Variants in PPARGC1A observed in about 807,000 individuals in gnomAD.
PPARGC1A encodes the protein peroxisome proliferator-activated receptor gamma coactivator 1-alpha.
In PPARGC1A, 25 loss-of-function variants were observed where a neutral mutation model predicts 88.7. The observed-to-expected ratio is 0.28, with a 90% CI of 0.21 to 0.39. The LOEUF (loss-of-function observed/expected upper bound fraction) is 0.39, where lower values mean the gene tolerates loss of function less well. PPARGC1A is among the 10% of genes least tolerant of loss of function. The probability of loss-of-function intolerance (pLI) is 1.00; values close to 1 mark genes in which losing one functional copy is unlikely to be tolerated. For missense variants in PPARGC1A, 880 were observed against 968.7 expected (o/e 0.91, Z 1.22); for synonymous variants, 363 against 355.6 (o/e 1.02, Z -0.24).
At chr4:24,393,019 A>G in the PPARGC1A span, among the ~76,000 whole-genome samples, 1 of 41,170 alleles carries the variant, frequency 2.4e-5, no homozygotes, top group Non-Finnish European at 8.8e-5. Flanking sequence ...ATCAGCACAC[A>G]CACACACACA....
At chr4:24,064,753 G>A in the PPARGC1A span, among the ~76,000 whole-genome samples, 3 of 152,020 alleles carry the variant, frequency 2.0e-5, no homozygotes, top group Non-Finnish European at 4.4e-5. Flanking sequence ...CCTTTCTGGG[G>A]TTTTTTGGTT....
chr4:23,955,410 C>T, the PPARGC1A span, among the ~76,000 whole-genome samples: 1 of 150,282 alleles, frequency 6.7e-6, no homozygotes, highest in African/African-American at 2.4e-5. Flanking sequence ...TAAATTACTC[C>T]CTAGTATCTA....
chr4:24,340,481 A>G, the PPARGC1A span, among the ~76,000 whole-genome samples: 2 of 152,206 alleles, frequency 1.3e-5, no homozygotes, highest in Non-Finnish European at 2.9e-5. Context: ...ATAGTACTCT[A>G]TTTAATTATC....
the PPARGC1A span, among the ~76,000 whole-genome samples, chr4:24,370,632 A>C: frequency 1.3e-5 from 2 of 151,888 alleles, no homozygotes; most frequent in African/African-American, 4.8e-5. Context: ...GGCCAGCCAC[A>C]AGGGAGAATT....
chr4:24,446,630 T>A, the PPARGC1A span, among the ~76,000 whole-genome samples: 1 of 147,740 alleles, frequency 6.8e-6, no homozygotes, highest in Non-Finnish European at 1.5e-5. Flanking sequence ...GGAGTCTTGC[T>A]CTGTCATCCA....
At chr4:24,184,824 C>T in the PPARGC1A span, among the ~76,000 whole-genome samples, 2 of 151,942 alleles carry the variant, frequency 1.3e-5, no homozygotes, top group African/African-American at 4.8e-5. Flanking sequence ...CAGCTTTCTT[C>T]AGAAGAGAAA....
the PPARGC1A span, among the ~76,000 whole-genome samples, chr4:24,144,145 T>A: frequency 6.6e-6 from 1 of 152,166 alleles, no homozygotes; most frequent in Non-Finnish European, 1.5e-5. Flanking sequence ...ACAATTGCAA[T>A]ATAGAGAGCA....
chr4:24,139,291 C>G, the PPARGC1A span, among the ~76,000 whole-genome samples: 1 of 152,014 alleles, frequency 6.6e-6, no homozygotes, highest in African/African-American at 2.4e-5. Context: ...CTGCCACACG[C>G]CCGGCTAATT....
the PPARGC1A span, among the ~76,000 whole-genome samples, chr4:24,146,298 A>G: frequency 6.6e-6 from 1 of 152,386 alleles, no homozygotes; most frequent in East Asian, 1.9e-4. Context: ...GACAGAACAC[A>G]TATGAGTTCA....
the PPARGC1A span, among the ~76,000 whole-genome samples, chr4:24,099,026 G>T: frequency 1.1e-4 from 16 of 152,044 alleles, no homozygotes; most frequent in Non-Finnish European, 2.2e-4. Context: ...CTGACTTTGT[G>T]ATATGCTGGG....
chr4:23,801,639 G>A, intron 12 of PPARGC1A, 91 bp downstream of exon 12: 1 of 1,370,306 alleles, frequency 7.3e-7, no homozygotes, highest in Non-Finnish European at 1.0e-6. Context: ...ATAAAGTGAT[G>A]GTTCAACCCA....
At chr4:24,033,550 T>C in the PPARGC1A span, among the ~76,000 whole-genome samples, 1 of 152,204 alleles carries the variant, frequency 6.6e-6, no homozygotes, top group Non-Finnish European at 1.5e-5. Flanking sequence ...AATAACACTT[T>C]GCATTCAGGG....
chr4:24,056,301 C>T, the PPARGC1A span, among the ~76,000 whole-genome samples: 1 of 152,114 alleles, frequency 6.6e-6, no homozygotes, highest in African/African-American at 2.4e-5. Context: ...GCCATTCTGC[C>T]CCCAACCCTA....
chr4:24,066,436 C>T, the PPARGC1A span, among the ~76,000 whole-genome samples: 1 of 152,148 alleles, frequency 6.6e-6, no homozygotes, highest in African/African-American at 2.4e-5. Flanking sequence ...GGAGCTGACA[C>T]AAATCTCTAT....
chr4:24,214,421 A>G, the PPARGC1A span, among the ~76,000 whole-genome samples: 1 of 152,196 alleles, frequency 6.6e-6, no homozygotes, highest in Admixed American at 6.5e-5. Context: ...CCCTGTGTAT[A>G]AAAGTTGAGC....
At chr4:24,044,376 C>A in the PPARGC1A span, among the ~76,000 whole-genome samples, 1 of 152,114 alleles carries the variant, frequency 6.6e-6, no homozygotes, top group Non-Finnish European at 1.5e-5. Context: ...TTAAAAGAAC[C>A]GTTCTGATGC....
the PPARGC1A span, among the ~76,000 whole-genome samples, chr4:24,243,790 C>T: frequency 1.3e-5 from 2 of 152,194 alleles, no homozygotes; most frequent in African/African-American, 4.8e-5. Context: ...GAGACTCAGA[C>T]TTTGACGAGC....
chr4:24,212,576 T>C, the PPARGC1A span, among the ~76,000 whole-genome samples: 1 of 152,190 alleles, frequency 6.6e-6, no homozygotes, highest in African/African-American at 2.4e-5. Context: ...CTCTCAAAAA[T>C]GGCAGCTAAA....
the PPARGC1A span, among the ~76,000 whole-genome samples, chr4:24,325,711 C>A: frequency 6.6e-6 from 1 of 152,324 alleles, no homozygotes; most frequent in Middle Eastern, 3.4e-3. Flanking sequence ...GCCCCGTAGA[C>A]CACCACAGAT....
Sources: allele counts gnomAD v4.1 joint callset (sites outside exome capture counted in the v4.1 genomes callset), GRCh38; gene constraint gnomAD v4.1.1; transcripts MANE v1.5; gene names NCBI Gene and HGNC (gene_info 2026-07-23, HGNC 2026-07-21).